SLCO3A1: variants seen among roughly 807,000 people sequenced by gnomAD.
SLCO3A1 encodes solute carrier organic anion transporter family member 3A1.
SLCO3A1 carries 27 observed loss-of-function variants against 63.1 expected under a neutral mutation model. The ratio of observed to expected loss-of-function variants is 0.43; its 90% CI spans 0.32 to 0.59. The LOEUF (loss-of-function observed/expected upper bound fraction) is 0.59, where lower values mean the gene tolerates loss of function less well. Ranked by LOEUF, SLCO3A1 falls within the 20% of genes least tolerant of loss-of-function variation. SLCO3A1 has a pLI of 0.09. For missense variants in SLCO3A1, 773 were observed against 945.8 expected, an observed-to-expected ratio of 0.82 and a Z score of 2.40; for synonymous variants, 473 against 409.9, an observed-to-expected ratio of 1.15 and a Z score of -1.86.
intron 2 of SLCO3A1, among the ~76,000 whole-genome samples, chr15:91,933,897 G>T (rs1353328489): frequency 6.6e-6 from 1 of 152,130 alleles, no homozygotes; most frequent in Non-Finnish European, 1.5e-5. Context: ...TTATGAGTCA[G>T]GAAATTACAA....
chr15:91,992,001 G>T (rs1431367971), intron 2 of SLCO3A1, among the ~76,000 whole-genome samples: 2 of 152,228 alleles, frequency 1.3e-5, no homozygotes. Flanking sequence ...AGTGATAATT[G>T]ATAGACTTTC....
intron 8 of SLCO3A1, among the ~76,000 whole-genome samples, chr15:92,150,016 C>A (rs1025224562): frequency 1.3e-5 from 2 of 152,136 alleles, no homozygotes; most frequent in African/African-American, 4.8e-5. Context: ...GCACTGGACT[C>A]ATCATGGATG....
At chr15:92,065,233 C>T (rs1268854237) in intron 2 of SLCO3A1, among the ~76,000 whole-genome samples, 1 of 152,142 alleles carries the variant, frequency 6.6e-6, no homozygotes. Flanking sequence ...CAGGCGTGTG[C>T]CATCACGCCA....
intron 2 of SLCO3A1, among the ~76,000 whole-genome samples, chr15:92,038,254 A>C (rs1298477314): frequency 6.6e-6 from 1 of 152,196 alleles, no homozygotes; most frequent in Admixed American, 6.5e-5. Context: ...ATGAGCTAAT[A>C]ATGTGTGTAA....
chr15:92,147,506 A>G (rs2151589434), intron 8 of SLCO3A1, among the ~76,000 whole-genome samples: 1 of 152,264 alleles, frequency 6.6e-6, no homozygotes, highest in Middle Eastern at 3.4e-3. Flanking sequence ...CCACCCTGCC[A>G]CTGCTTAGCC....
chr15:91,914,656 G>A (rs1469375655), intron 1 of SLCO3A1, among the ~76,000 whole-genome samples: 1 of 143,650 alleles, frequency 7.0e-6, no homozygotes, highest in Non-Finnish European at 1.5e-5. Context: ...TGCAACCGCC[G>A]CCTCCAGGGT....
intron 1 of SLCO3A1, among the ~76,000 whole-genome samples, chr15:91,864,769 T>C (rs1348595225): frequency 6.6e-6 from 1 of 152,228 alleles, no homozygotes; most frequent in Non-Finnish European, 1.5e-5. Context: ...AGTGTTCTCC[T>C]GTTGAGGTCT....
chr15:91,986,160 G>T (rs532246886), intron 2 of SLCO3A1, among the ~76,000 whole-genome samples: 5 of 152,292 alleles, frequency 3.3e-5, no homozygotes, highest in African/African-American at 1.2e-4. Context: ...GGGAGTACCT[G>T]CTAGCCACCA....
In SLCO3A1 at chr15:92,164,725, G is replaced by A; in HGVS notation, c.*1590G>A. The stretch of plus-strand genomic sequence containing the variant: ...CTTGAACTAAGGCCCTTGTCTGTGT[G>A]TTTTGAAGGTGGGTGAACCTCAGAG... On this transcript the variant is annotated 3_prime_UTR_variant, in exon 10 of 10. Transcript: ENST00000318445. The A allele has an allele frequency of 1.0e-6, 1 of 985,414 alleles. No homozygotes were observed. Among genetic ancestry groups the A allele is most frequent in the Non-Finnish European group, 1.2e-6 (1 of 829,938 alleles). 61.0% of individuals were successfully genotyped at this position (985,414 alleles called of 1,614,324 possible). A position where few individuals can be genotyped will look rare whatever the true frequency, so the allele number is the denominator to read the frequency against.
intron 2 of SLCO3A1, among the ~76,000 whole-genome samples, chr15:92,062,583 A>C (rs1325596413): frequency 6.6e-6 from 1 of 152,190 alleles, no homozygotes; most frequent in African/African-American, 2.4e-5. Flanking sequence ...AGGGCTTGGC[A>C]ACAGGAGACT....
intron 2 of SLCO3A1, among the ~76,000 whole-genome samples, chr15:92,059,247 G>T (rs2047057540): frequency 6.6e-6 from 1 of 152,190 alleles, no homozygotes; most frequent in Non-Finnish European, 1.5e-5. Context: ...GCTAGAACAG[G>T]TTTCTGCAAG....
intron 2 of SLCO3A1, among the ~76,000 whole-genome samples, chr15:91,983,789 A>G (rs2046016579): frequency 6.6e-6 from 1 of 152,204 alleles, no homozygotes; most frequent in South Asian, 2.1e-4. Context: ...GGTGGAGGAA[A>G]GTTGGAATTC....
Position 91,894,538 on chromosome 15 carries a change from C to G in SLCO3A1, c.181-21455C>G, listed in dbSNP as rs1213269210. ...GCCAAGTGATGGGTGGATTAGATGTCTGAAGGCAGCAGAGGCAATGGAGGA... is the reference window on the plus strand; with the variant it reads ...GCCAAGTGATGGGTGGATTAGATGTGTGAAGGCAGCAGAGGCAATGGAGGA... On this transcript the variant is annotated intron_variant, in intron 1 of 9. Transcript: ENST00000318445. The surrounding 1 kb of genome is among the most constrained non-coding windows in gnomAD (Gnocchi z 4.8). 6.6e-6 allele frequency among the ~76,000 whole-genome samples: 1 copy of G among 152,054 alleles called. No homozygotes were observed. The highest frequency in any genetic ancestry group is 1.5e-5 in the Non-Finnish European group (1 of 68,010).
chr15:91,903,005 T>C (rs1053828007), intron 1 of SLCO3A1, among the ~76,000 whole-genome samples: 16 of 152,256 alleles, frequency 1.1e-4, no homozygotes, highest in Admixed American at 3.3e-4. Flanking sequence ...CGGTGCTTGT[T>C]ACTGCAAATG....
intron 2 of SLCO3A1, among the ~76,000 whole-genome samples, chr15:91,971,256 A>G (rs1277593563): frequency 6.6e-6 from 1 of 151,784 alleles, no homozygotes; most frequent in African/African-American, 2.4e-5. Context: ...TTAGCCGAGC[A>G]TGGTGGCAGG....
At chr15:92,072,927 C>T (rs1442384501) in intron 2 of SLCO3A1, among the ~76,000 whole-genome samples, 1 of 152,044 alleles carries the variant, frequency 6.6e-6, no homozygotes, top group Non-Finnish European at 1.5e-5. Flanking sequence ...TTTTGAGGAT[C>T]GTCATTCAAC....
At chr15:91,892,858 C>A (rs986050308) in intron 1 of SLCO3A1, among the ~76,000 whole-genome samples, 1 of 152,192 alleles carries the variant, frequency 6.6e-6, no homozygotes, top group Non-Finnish European at 1.5e-5. Flanking sequence ...TAATAGTATT[C>A]CTTTAACATA....
At chr15:92,021,104 G>A (rs2046503771) in intron 2 of SLCO3A1, among the ~76,000 whole-genome samples, 1 of 152,182 alleles carries the variant, frequency 6.6e-6, no homozygotes, top group Non-Finnish European at 1.5e-5. Flanking sequence ...CTCAACAAAT[G>A]GCAGCCACTA....
intron 2 of SLCO3A1, among the ~76,000 whole-genome samples, chr15:92,007,393 C>G (rs1024464005): frequency 2.6e-5 from 4 of 152,106 alleles, no homozygotes; most frequent in Non-Finnish European, 5.9e-5. Context: ...GCTGGGAAGT[C>G]CTCTCTTACG....
Sources: allele counts gnomAD v4.1 joint callset (sites outside exome capture counted in the v4.1 genomes callset), GRCh38; gene constraint gnomAD v4.1.1; non-coding constraint Gnocchi (gnomAD v3.1); transcripts MANE v1.5; gene names NCBI Gene and HGNC (gene_info 2026-07-23, HGNC 2026-07-21).